The following ZNF610 variants were observed in gnomAD, a reference collection of about 807,000 sequenced individuals.
ZNF610 encodes the protein zinc finger protein 610.
Under a neutral mutation model 14.1 loss-of-function variants are expected in ZNF610, and 14 were observed. The ratio of observed to expected loss-of-function variants is 0.99; its 90% CI spans 0.65 to 1.55. ZNF610 has a LOEUF of 1.55. Ranked by LOEUF, ZNF610 falls within the 40% of genes most tolerant of loss-of-function variation. The pLI, the probability that ZNF610 is intolerant of heterozygous loss-of-function variation, is 0.00. For missense variants in ZNF610, 530 were observed against 558.0 expected (o/e 0.95, Z 0.51); for synonymous variants, 185 against 187.6 (o/e 0.99, Z 0.11).
intron 5 of ZNF610, among the ~76,000 whole-genome samples, chr19:52,359,514 GA>G (rs1334896418): frequency 1.3e-5 from 2 of 152,130 alleles, no homozygotes; most frequent in African/African-American, 4.8e-5. Context: ...TGCAGATATA[GA>G]AACCACAGGT....
At chr19:52,335,720 G>A (rs2122154557), upstream of ZNF610, among the ~76,000 whole-genome samples, 1 of 152,296 alleles carries the variant, frequency 6.6e-6, no homozygotes, top group African/African-American at 2.4e-5. Context: ...TTTCTATTAT[G>A]TTCTGTGGGC....
At chr19:52,340,000 C>A (rs1270499486) in intron 1 of ZNF610, among the ~76,000 whole-genome samples, 3 of 152,208 alleles carry the variant, frequency 2.0e-5, no homozygotes, top group Admixed American at 2.0e-4. Context: ...GAGGGGCAGC[C>A]TTGTGGGACT....
At chr19:52,351,457 GAA>G (rs1018288016) in intron 3 of ZNF610, among the ~76,000 whole-genome samples, 2 of 139,886 alleles carry the variant, frequency 1.4e-5, no homozygotes, top group Non-Finnish European at 1.6e-5. Flanking sequence ...CTGTCTCAAA[GAA>G]AAAAAAAAAA....
chr19:52,336,077 C>A (rs1477729663), upstream of ZNF610, among the ~76,000 whole-genome samples: 1 of 152,178 alleles, frequency 6.6e-6, no homozygotes, highest in African/African-American at 2.4e-5. Flanking sequence ...TAATCCTCAA[C>A]TGACGTTGCT....
rs2122233813 is a variant in ZNF610, at chr19:52,353,807, G to A, written c.189G>A (p.Leu63=). Residue 63 remains leucine (L), a splice_region_variant and synonymous_variant, in exon 4 of 6, where the codon CTG becomes CTA. Coordinates refer to ENST00000403906, the MANE Select transcript of ZNF610 (RefSeq NM_001161425.2). ...MLENYRNLVF[L]GICLPDLSII... ...AGAACTACAGGAACCTGGTCTTTCT[G>A]GGTGAGGATGACTTCCCTCCAGAAG... 1 of 1,609,586 alleles carries A rather than the reference G, an allele frequency of 6.2e-7. No individual in the cohort carries two copies. Among genetic ancestry groups the A allele is most frequent in the Non-Finnish European group, 8.5e-7 (1 of 1,178,712 alleles).
At chr19:52,347,639 C>T (rs1004923085) in intron 1 of ZNF610, 68 bp from the exon 2 acceptor site, 7 of 152,184 alleles carry the variant, frequency 4.6e-5, no homozygotes, top group Non-Finnish European at 1.0e-4. Context: ...ACCACAGCCT[C>T]CTGGGTAGCT....
At chr19:52,337,264 A>G (rs1984430246) in intron 1 of ZNF610, among the ~76,000 whole-genome samples, 1 of 146,116 alleles carries the variant, frequency 6.8e-6, no homozygotes, top group South Asian at 2.1e-4. Flanking sequence ...AGCTGATGAC[A>G]AGGAGAGCAG....
chr19:52,360,647 T>C (rs1011537808), intron 5 of ZNF610, among the ~76,000 whole-genome samples: 3 of 152,170 alleles, frequency 2.0e-5, no homozygotes, highest in Non-Finnish European at 2.9e-5. Context: ...ATGTTTTTTC[T>C]GCATCTGATG....
At chr19:52,361,179 C>CTT (rs199515927) in intron 5 of ZNF610, among the ~76,000 whole-genome samples, 10 of 140,734 alleles carry the variant, frequency 7.1e-5, no homozygotes, top group South Asian at 4.6e-4. Context: ...ATCTCATTTT[C>CTT]TTTTTTTTTT....
At chr19:52,351,876 G>C (rs968449568) in intron 3 of ZNF610, among the ~76,000 whole-genome samples, 1 of 152,158 alleles carries the variant, frequency 6.6e-6, no homozygotes, top group Non-Finnish European at 1.5e-5. Context: ...ATGATGGCGC[G>C]TCGTGCCTGA....
In ZNF610 at chr19:52,338,713, T is replaced by A. The variant is rs376250593; in HGVS notation, c.-258+2207T>A. 1.7e-4 allele frequency among the ~76,000 whole-genome samples: 26 copies of A among 152,230 alleles called. 1 individual carries two copies. The highest frequency in any genetic ancestry group is 6.0e-4 in the African/African-American group (25 of 41,558). On this transcript the variant is annotated intron_variant, in intron 1 of 5. Transcript: ENST00000403906. ...GGCTCTTAGTAAACATGTTTTTTTT[T>A]CTTTGAGACGGAGTTTCGGTCTTGT...
At chr19:52,350,610 G>A (rs1335266459) in intron 3 of ZNF610, among the ~76,000 whole-genome samples, 1 of 152,118 alleles carries the variant, frequency 6.6e-6, no homozygotes, top group Non-Finnish European at 1.5e-5. Context: ...CCTGGGAGGC[G>A]GAGGTTGCAG....
chr19:52,358,815 G>A (rs905846158), intron 5 of ZNF610, among the ~76,000 whole-genome samples: 1 of 152,212 alleles, frequency 6.6e-6, no homozygotes, highest in Non-Finnish European at 1.5e-5. Flanking sequence ...TTGGCTTTCA[G>A]ATAATTTTTG....
intron 3 of ZNF610, among the ~76,000 whole-genome samples, chr19:52,349,465 C>T (rs1219710222): frequency 2.0e-5 from 3 of 151,846 alleles, no homozygotes; most frequent in Admixed American, 6.6e-5. Context: ...GTGAGGGTCC[C>T]GTGGTGTCAG....
chr19:52,347,294 A>C (rs1985006583), intron 1 of ZNF610: 1 of 152,176 alleles, frequency 6.6e-6, no homozygotes, highest in East Asian at 1.9e-4. Flanking sequence ...AAAAAGTTTT[A>C]ATGGGGAAAA....
chr19:52,351,891 G>A (rs1985271617), intron 3 of ZNF610, among the ~76,000 whole-genome samples: 1 of 152,168 alleles, frequency 6.6e-6, no homozygotes, highest in Non-Finnish European at 1.5e-5. Context: ...GCCTGAGCAG[G>A]GGCTCAGGCT....
intron 5 of ZNF610, among the ~76,000 whole-genome samples, chr19:52,359,624 C>T (rs886936631): frequency 6.6e-5 from 10 of 152,162 alleles, no homozygotes; most frequent in South Asian, 2.1e-4. Flanking sequence ...TCTGCTCTCA[C>T]GCCACCACAA....
intron 1 of ZNF610, among the ~76,000 whole-genome samples, chr19:52,343,879 C>T (rs1363494167): frequency 6.6e-6 from 1 of 152,096 alleles, no homozygotes; most frequent in Non-Finnish European, 1.5e-5. Context: ...AGCCTCTGGT[C>T]TCACAGTGCC....
In ZNF610 at chr19:52,342,562, C is replaced by T. The variant is rs183359167; in HGVS notation, c.-257-5145C>T. On this transcript the variant is annotated intron_variant, in intron 1 of 5. Transcript: ENST00000403906. The stretch of plus-strand genomic sequence containing the variant: ...TGAGACGGAGTCTTACTCTGTCACC[C>T]GGGCTGGAGTGTAGTGGCGCAATCT... Among the ~76,000 whole-genome samples, 714 of 150,920 alleles carry T rather than the reference C, an allele frequency of 4.7e-3. 10 individuals carry two copies. Among genetic ancestry groups the T allele is most frequent in the Middle Eastern group, 6.8e-3 (2 of 294 alleles).
Sources: gnomAD v4.1 joint callset for allele counts (sites outside exome capture counted in the v4.1 genomes callset) on GRCh38, gnomAD v4.1.1 for gene constraint, MANE v1.5 for transcripts, NCBI Gene and HGNC (gene_info 2026-07-23, HGNC 2026-07-21) for gene names.